RFX4: variants seen among roughly 807,000 people sequenced by gnomAD.
The protein encoded by RFX4 is regulatory factor X4, also known as transcription factor RFX4.
RFX4 carries 10 observed loss-of-function variants against 95.0 expected under a neutral mutation model. The observed-to-expected ratio is 0.11, with a 90% CI of 0.06 to 0.18. The LOEUF (loss-of-function observed/expected upper bound fraction) is 0.18, where lower values mean the gene tolerates loss of function less well. Ranked by LOEUF, RFX4 falls within the 10% of genes least tolerant of loss-of-function variation. The pLI is 1.00. For missense variants in RFX4, 640 were observed against 922.0 expected (o/e 0.69, Z 3.96); for synonymous variants, 321 against 340.7 (o/e 0.94, Z 0.64).
rs369365207 is a variant in RFX4, at chr12:106,612,655, T to C, written c.130+3772T>C. 9.9e-5 allele frequency among the ~76,000 whole-genome samples: 15 copies of C among 152,264 alleles called. No homozygotes were observed. In the East Asian group the frequency reaches 2.5e-3, roughly 25 times the overall value. On this transcript the variant is annotated intron_variant, in intron 2 of 17. Transcript: ENST00000392842. The stretch of plus-strand genomic sequence containing the variant: ...GAGTTCGAAACCAGCCTGGCCAATA[T>C]GGCAAAACCCCATCTCTACTAAAAA...
chr12:106,634,603 TCCA>T (rs1194474029), intron 2 of RFX4, among the ~76,000 whole-genome samples: 31 of 152,170 alleles, frequency 2.0e-4, no homozygotes, highest in African/African-American at 7.2e-4. Context: ...CTCACCTGGA[TCCA>T]CTCTGCCACA....
chr12:106,701,828 C>T (rs2041997053), intron 8 of RFX4, among the ~76,000 whole-genome samples: 1 of 152,092 alleles, frequency 6.6e-6, no homozygotes, highest in Non-Finnish European at 1.5e-5. Context: ...TTGAGGACAG[C>T]CCAGACAACA....
chr12:106,696,596 T>C (rs1204506048), intron 8 of RFX4, 150 bp downstream of exon 8: 6 of 754,952 alleles, frequency 7.9e-6, no homozygotes, highest in Non-Finnish European at 1.2e-5. Flanking sequence ...AGTTTATTTA[T>C]ATTTTGGAAT....
intron 17 of RFX4, among the ~76,000 whole-genome samples, chr12:106,759,595 T>C (rs997941088): frequency 6.6e-6 from 1 of 152,150 alleles, no homozygotes; most frequent in Admixed American, 6.5e-5. Context: ...CCACCACTGC[T>C]GCCACACAAA....
intron 16 of RFX4, among the ~76,000 whole-genome samples, chr12:106,747,911 G>C (rs2042924902): frequency 2.0e-5 from 3 of 147,962 alleles, no homozygotes; most frequent in Non-Finnish European, 3.0e-5. Flanking sequence ...CTGGGTGACA[G>C]AGCGAGACGC....
Position 106,600,782 on chromosome 12 carries a change from C to T in RFX4, c.44-8015C>T, listed in dbSNP as rs568998064. 2.6e-5 allele frequency among the ~76,000 whole-genome samples: 4 copies of T among 152,270 alleles called. 1 individual carries two copies. Among genetic ancestry groups the T allele is most frequent in the South Asian group, 4.1e-4 (2 of 4,820 alleles). On this transcript the variant is annotated intron_variant, in intron 1 of 17. Coordinates refer to ENST00000392842, the MANE Select transcript of RFX4 (RefSeq NM_213594.3). ...ATGCTGGCCTCCTGGCTCCTCCTCA[C>T]ACACCCAAGCCCACCCAGGCCCTTG...
intron 13 of RFX4, among the ~76,000 whole-genome samples, chr12:106,727,068 A>G (rs917765373): frequency 1.3e-5 from 2 of 152,092 alleles, no homozygotes; most frequent in African/African-American, 4.8e-5. Context: ...CACCACACCC[A>G]GCCTACACAC....
At chr12:106,729,153 C>A (rs183370993) in intron 13 of RFX4, among the ~76,000 whole-genome samples, 1 of 152,302 alleles carries the variant, frequency 6.6e-6, no homozygotes, top group Admixed American at 6.5e-5. Flanking sequence ...GTTTGTTCAT[C>A]CTAAAACTAC....
chr12:106,614,659 C>T (rs1374524177), intron 2 of RFX4, among the ~76,000 whole-genome samples: 1 of 151,982 alleles, frequency 6.6e-6, no homozygotes, highest in African/African-American at 2.4e-5. Flanking sequence ...CAGGCACCCG[C>T]CACCACGCCC....
intron 13 of RFX4, among the ~76,000 whole-genome samples, chr12:106,722,136 C>T (rs2137533357): frequency 6.6e-6 from 1 of 152,354 alleles, no homozygotes; most frequent in African/African-American, 2.4e-5. Context: ...ACTTCCAGTT[C>T]AGCACAGTTA....
At chr12:106,695,181 T>G (rs946568535) in intron 7 of RFX4, among the ~76,000 whole-genome samples, 2 of 152,192 alleles carry the variant, frequency 1.3e-5, no homozygotes, top group African/African-American at 4.8e-5. Context: ...AGTGCCCATC[T>G]GTTGGGGAGA....
intron 8 of RFX4, among the ~76,000 whole-genome samples, chr12:106,697,358 C>T (rs984451609): frequency 1.3e-5 from 2 of 151,944 alleles, no homozygotes; most frequent in South Asian, 2.1e-4. Context: ...GTATAGGGTT[C>T]CACCATCTTG....
chr12:106,698,564 T>C (rs941845194), intron 8 of RFX4, among the ~76,000 whole-genome samples: 1 of 152,244 alleles, frequency 6.6e-6, no homozygotes, highest in Non-Finnish European at 1.5e-5. Context: ...GAGGGTTTTA[T>C]AGTTCATCAA....
intron 4 of RFX4, among the ~76,000 whole-genome samples, chr12:106,659,011 G>A (rs2041018401): frequency 6.6e-6 from 1 of 152,188 alleles, no homozygotes; most frequent in Admixed American, 6.5e-5. Flanking sequence ...ACAAAAAATA[G>A]CTTTGCTTTG....
At chr12:106,597,509 A>G (rs1269149184) in intron 1 of RFX4, among the ~76,000 whole-genome samples, 1 of 152,212 alleles carries the variant, frequency 6.6e-6, no homozygotes, top group African/African-American at 2.4e-5. Flanking sequence ...TAGGCACCTG[A>G]TGTGCCTTAT....
At chr12:106,643,436 T>C (rs2040676966) in intron 3 of RFX4, among the ~76,000 whole-genome samples, 1 of 152,122 alleles carries the variant, frequency 6.6e-6, no homozygotes, top group Non-Finnish European at 1.5e-5. Flanking sequence ...AAGTAGGACA[T>C]TAAACTTAGA....
At chr12:106,626,279 A>G (rs1174318433) in intron 2 of RFX4, among the ~76,000 whole-genome samples, 1 of 152,212 alleles carries the variant, frequency 6.6e-6, no homozygotes, top group Admixed American at 6.5e-5. Context: ...AGAGGTCACA[A>G]GATTGAAAGG....
intron 4 of RFX4, among the ~76,000 whole-genome samples, chr12:106,679,922 C>G (rs1023325099): frequency 1.6e-4 from 24 of 152,238 alleles, no homozygotes; most frequent in African/African-American, 5.5e-4. Flanking sequence ...GTTACTGACC[C>G]CATCTTGAAT....
At chr12:106,684,081 G>C (rs1178716608) in intron 5 of RFX4, among the ~76,000 whole-genome samples, 1 of 152,028 alleles carries the variant, frequency 6.6e-6, no homozygotes, top group Non-Finnish European at 1.5e-5. Context: ...AATCTGGGGG[G>C]GTGGGCCAGG....
Sources: allele counts gnomAD v4.1 joint callset (sites outside exome capture counted in the v4.1 genomes callset), GRCh38; gene constraint gnomAD v4.1.1; transcripts MANE v1.5; gene names NCBI Gene and HGNC (gene_info 2026-07-23, HGNC 2026-07-21).